DIPK2B: variants seen among roughly 807,000 people sequenced by gnomAD.
DIPK2B encodes the protein divergent protein kinase domain 2B, also known as UPF0672 protein CXorf36.
DIPK2B carries 15 observed loss-of-function variants against 22.2 expected under a neutral mutation model. The observed-to-expected ratio is 0.68, with a 90% CI of 0.45 to 1.04. The LOEUF (loss-of-function observed/expected upper bound fraction) is 1.04. DIPK2B is among the 50% of genes least tolerant of loss of function. The pLI is 0.00. For missense variants in DIPK2B, 345 were observed against 348.3 expected (o/e 0.99, Z 0.08); for synonymous variants, 163 against 153.2 (o/e 1.06, Z -0.47).
intron 3 of DIPK2B, among the ~76,000 whole-genome samples, chrX:45,155,899 C>T (rs2046990832): frequency 9.2e-6 from 1 of 108,813 alleles, no homozygotes; most frequent in African/African-American, 3.4e-5. Context: ...CCCATTTTAA[C>T]GCACATACTG....
At chrX:45,165,960 C>A (rs763209192) in intron 2 of DIPK2B, among the ~76,000 whole-genome samples, 1 of 111,864 alleles carries the variant, frequency 8.9e-6, no homozygotes, top group African/African-American at 3.3e-5. Context: ...TGCCCTATGT[C>A]CCCTTATAGC....
chrX:45,154,981 G>T (rs2046985150), intron 3 of DIPK2B, among the ~76,000 whole-genome samples: 1 of 111,705 alleles, frequency 9.0e-6, no homozygotes, highest in Non-Finnish European at 1.9e-5. Context: ...GGCTACTAAA[G>T]AAAAATATTT....
chrX:45,180,024 T>C (rs2047141072), intron 2 of DIPK2B, among the ~76,000 whole-genome samples: 1 of 111,012 alleles, frequency 9.0e-6, no homozygotes, highest in Non-Finnish European at 1.9e-5. Flanking sequence ...CCAGAAAGAG[T>C]GTGTGAGCAA....
chrX:45,177,756 T>C (rs1221395595), intron 2 of DIPK2B, among the ~76,000 whole-genome samples: 1 of 111,348 alleles, frequency 9.0e-6, no homozygotes, highest in African/African-American at 3.3e-5. Context: ...AAATTCTCAC[T>C]TGGGGAAAGA....
Position 45,191,775 on chromosome X carries a change from C to G in DIPK2B, c.474G>C (p.Lys158Asn). The G allele has an allele frequency of 8.3e-7, 1 of 1,211,867 alleles. No homozygotes were observed. The highest frequency in any genetic ancestry group is 1.1e-6 in the Non-Finnish European group (1 of 895,592). Residue 158 changes from lysine (K) to asparagine (N), a missense_variant, in exon 2 of 5, where the codon AAG (lysine) becomes AAC (asparagine). Lys to Asn is a moderately conservative substitution (Grantham distance 94, BLOSUM62 0). Coordinates refer to ENST00000398000, the MANE Select transcript of DIPK2B (RefSeq NM_176819.4). ...CCTGCACCAGGTCCGGCGTGAGGCG[C>G]TTGGCCTGCAGCCATTTCTGGAACC... ...TERFQKWLQA[K>N]RLTPDLVQGL... is the part of the protein sequence containing the mutation.
chrX:45,195,707 C>T (rs767554692), intron 1 of DIPK2B, among the ~76,000 whole-genome samples: 5 of 111,848 alleles, frequency 4.5e-5, no homozygotes, highest in Admixed American at 9.5e-5. Context: ...CTGCCTGCTG[C>T]ATTGCCTGCT....
intron 3 of DIPK2B, 118 bp from the exon 4 acceptor site, chrX:45,154,316 T>TATC (rs1556394855): frequency 3.1e-5 from 18 of 586,431 alleles, no homozygotes; most frequent in South Asian, 6.6e-5. Flanking sequence ...TCTATCTATC[T>TATC]ATCTGTCTAT....
Position 45,193,026 on chromosome X carries a change from G to T in DIPK2B, c.234-1011C>A, listed in dbSNP as rs966566275. On this transcript the variant is annotated intron_variant, in intron 1 of 4. Transcript: ENST00000398000. ...ACTGCTGGCCTCAGGTGATCCGCCC[G>T]CCTCTACCTCCCAAAGTGTTGGGAT... 1.5e-4 allele frequency among the ~76,000 whole-genome samples: 17 copies of T among 112,495 alleles called. No individual in the cohort carries two copies. In the South Asian group the frequency reaches 1.8e-3, roughly 12 times the overall value.
intron 4 of DIPK2B, 62 bp downstream of exon 4, chrX:45,153,848 C>G (rs1233838564): frequency 9.2e-7 from 1 of 1,081,706 alleles, no homozygotes; most frequent in Non-Finnish European, 1.3e-6. Flanking sequence ...GCCACCCCTC[C>G]CTAGCTCCTG....
intron 2 of DIPK2B, among the ~76,000 whole-genome samples, chrX:45,168,532 T>C (rs1016197677): frequency 7.6e-4 from 85 of 112,452 alleles, no homozygotes; most frequent in African/African-American, 2.6e-3. Context: ...ATCCTTTCCT[T>C]GGGCGGAGCT....
chrX:45,153,721 G>C (rs1350006667), intron 4 of DIPK2B, among the ~76,000 whole-genome samples, 189 bp downstream of exon 4: 1 of 110,674 alleles, frequency 9.0e-6, no homozygotes, highest in African/African-American at 3.3e-5. Context: ...GATGGAGTTA[G>C]AGTAGAAATT....
intron 3 of DIPK2B, among the ~76,000 whole-genome samples, chrX:45,157,096 C>T (rs1055224311): frequency 1.8e-5 from 2 of 110,443 alleles, no homozygotes; most frequent in Non-Finnish European, 1.9e-5. Context: ...GTGTCCTTAC[C>T]CTTGAGGTCA....
At chrX:45,191,697 T>C (rs2047211308) in intron 2 of DIPK2B, 54 bp downstream of exon 2, 3 of 1,135,089 alleles carry the variant, frequency 2.6e-6, no homozygotes, top group Non-Finnish European at 3.5e-6. Flanking sequence ...TGAATCTCTC[T>C]CTCTCTTTCT....
At chrX:45,196,207 T>C (rs975795427) in intron 1 of DIPK2B, among the ~76,000 whole-genome samples, 6 of 111,361 alleles carry the variant, frequency 5.4e-5, no homozygotes, top group Non-Finnish European at 9.4e-5. Flanking sequence ...AGTAGAGAGA[T>C]GCATGGAGGG....
intron 1 of DIPK2B, among the ~76,000 whole-genome samples, chrX:45,199,593 C>T (rs769063850): frequency 4.5e-5 from 5 of 111,476 alleles, no homozygotes; most frequent in South Asian, 3.8e-4. Context: ...CTTCACTTCC[C>T]GTTACTTTTC....
intron 3 of DIPK2B, among the ~76,000 whole-genome samples, chrX:45,157,309 C>T (rs188012684): frequency 9.5e-4 from 106 of 111,507 alleles, no homozygotes; most frequent in African/African-American, 3.4e-3. Flanking sequence ...GAGTTACTTC[C>T]TTTGTTTTCC....
intron 2 of DIPK2B, chrX:45,162,852 T>G: frequency 1.3e-6 from 1 of 754,303 alleles, no homozygotes; most frequent in Non-Finnish European, 1.6e-6. Flanking sequence ...TGACTGGAAT[T>G]TTGCTTGGCT....
intron 2 of DIPK2B, among the ~76,000 whole-genome samples, chrX:45,176,958 G>A (rs763538956): frequency 2.5e-4 from 28 of 111,598 alleles, no homozygotes; most frequent in Non-Finnish European, 4.9e-4. Flanking sequence ...CATATTCCAC[G>A]GAGTATGAAC....
At chrX:45,186,787 TG>T (rs2047185056) in intron 2 of DIPK2B, among the ~76,000 whole-genome samples, 1 of 112,224 alleles carries the variant, frequency 8.9e-6, no homozygotes, top group Non-Finnish European at 1.9e-5. Flanking sequence ...TCTCCCTCAC[TG>T]GGGTGTCATC....
Sources: allele counts gnomAD v4.1 joint callset (sites outside exome capture counted in the v4.1 genomes callset), GRCh38; gene constraint gnomAD v4.1.1; transcripts MANE v1.5; gene names NCBI Gene and HGNC (gene_info 2026-07-23, HGNC 2026-07-21).